Variants in SREK1IP1 observed in about 807,000 individuals in gnomAD.
The protein encoded by SREK1IP1 is SREK1 interacting protein 1.
In SREK1IP1, 12 loss-of-function variants were observed where a neutral mutation model predicts 22.8. That is an observed-to-expected ratio of 0.53 (90% CI 0.34 to 0.85). The LOEUF (loss-of-function observed/expected upper bound fraction) is 0.85, where lower values mean the gene tolerates loss of function less well. Among genes scored for constraint, SREK1IP1 ranks in the 40% least tolerant of loss-of-function variants. SREK1IP1 has a pLI of 0.02. For missense variants in SREK1IP1, 147 were observed against 171.8 expected (o/e 0.86, Z 0.81); for synonymous variants, 53 against 52.7 (o/e 1.01, Z -0.02).
At position 64,768,631 on chromosome 5, in the gene SREK1IP1, A is replaced by G. The variant is rs1743115219; in HGVS notation, c.-114T>C. 2.0e-6 allele frequency: 3 copies of G among 1,489,400 alleles called. No individual in the cohort carries two copies. The highest frequency in any genetic ancestry group is 2.3e-5 in the East Asian group (1 of 43,946). The allele number at this position is 1,489,400 out of a possible 1,614,324, so 92.3% of individuals were successfully genotyped here. ...GGCGTTTTCCTTCCCCCAGCGCAGC[A>G]GCACCCTCGCTACGGTCGGGAAGGG... On this transcript the variant is annotated 5_prime_UTR_variant, in exon 1 of 5. Transcript: ENST00000513458.
intron 3 of SREK1IP1, among the ~76,000 whole-genome samples, chr5:64,729,394 G>A (rs958452345): frequency 3.3e-5 from 5 of 152,184 alleles, no homozygotes; most frequent in Non-Finnish European, 5.9e-5. Flanking sequence ...AGTTTGGTGC[G>A]TTCTAGAAAC....
chr5:64,722,598 G>A lies in SREK1IP1; in HGVS notation c.*1786C>T, dbSNP rs1457338334. On this transcript the variant is annotated 3_prime_UTR_variant, in exon 5 of 5. Transcript: ENST00000513458. ...ACCGATTTTTAAAATCTTGATAATCGAAGAATATTTTCAAAAAACTAGCAG... is the reference window on the plus strand; with the variant it reads ...ACCGATTTTTAAAATCTTGATAATCAAAGAATATTTTCAAAAAACTAGCAG... The A allele has an allele frequency of 3.9e-5, 6 of 151,976 alleles. No homozygotes were observed. Among genetic ancestry groups the A allele is most frequent in the Admixed American group, 3.9e-4 (6 of 15,254 alleles). The allele number at this position is 151,976 out of a possible 1,614,324, so 9.4% of individuals were successfully genotyped here. A position where few individuals can be genotyped will look rare whatever the true frequency, so the allele number is the denominator to read the frequency against.
At chr5:64,736,260 G>T (rs1469647610) in intron 3 of SREK1IP1, among the ~76,000 whole-genome samples, 1 of 152,054 alleles carries the variant, frequency 6.6e-6, no homozygotes, top group Non-Finnish European at 1.5e-5. Context: ...TTACATAAAG[G>T]TTAAATAGGT....
Position 64,722,209 on chromosome 5 carries a change from G to A in SREK1IP1, c.*2175C>T, listed in dbSNP as rs1195375863. 1 of 152,032 alleles carries A rather than the reference G, an allele frequency of 6.6e-6. No individual in the cohort carries two copies. The highest frequency in any genetic ancestry group is 2.4e-5 in the African/African-American group (1 of 41,390). 9.4% of individuals were successfully genotyped at this position (152,032 alleles called of 1,614,324 possible). On this transcript the variant is annotated 3_prime_UTR_variant, in exon 5 of 5. Coordinates refer to ENST00000513458, the MANE Select transcript of SREK1IP1 (RefSeq NM_173829.4). ...ACTTAGAAATGCCAACATCATTTCTGGGGGGAAAATTACTGATCATTAAAA... is the reference window on the plus strand; with the variant it reads ...ACTTAGAAATGCCAACATCATTTCTAGGGGGAAAATTACTGATCATTAAAA...
intron 2 of SREK1IP1, among the ~76,000 whole-genome samples, chr5:64,745,793 C>T (rs1169404068): frequency 1.3e-5 from 2 of 151,832 alleles, no homozygotes; most frequent in African/African-American, 4.9e-5. Flanking sequence ...AAATTAATTG[C>T]AAAACTACAA....
intron 3 of SREK1IP1, among the ~76,000 whole-genome samples, chr5:64,740,671 TTG>T (rs1742537987): frequency 1.3e-5 from 2 of 152,158 alleles, no homozygotes. Context: ...ATCCAACATT[TTG>T]TGTTATCCCA....
chr5:64,741,243 G>T, intron 2 of SREK1IP1, 43 bp from the exon 3 acceptor site: 1 of 1,562,862 alleles, frequency 6.4e-7, no homozygotes, highest in South Asian at 1.2e-5. Flanking sequence ...TAAAACTATA[G>T]ATACATTATG....
At chr5:64,748,316 T>C (rs536118316) in intron 2 of SREK1IP1, among the ~76,000 whole-genome samples, 21 of 151,848 alleles carry the variant, frequency 1.4e-4, no homozygotes, top group Non-Finnish European at 2.5e-4. Flanking sequence ...GATAGGTTAA[T>C]AAGGGCTGGG....
chr5:64,749,252 A>G (rs1742701424), intron 2 of SREK1IP1, among the ~76,000 whole-genome samples: 1 of 152,006 alleles, frequency 6.6e-6, no homozygotes, highest in Non-Finnish European at 1.5e-5. Context: ...CTATGCTAAC[A>G]GCTACTAATT....
At chr5:64,741,248 A>T (rs375776593) in intron 2 of SREK1IP1, 48 bp from the exon 3 acceptor site, 12 of 1,554,322 alleles carry the variant, frequency 7.7e-6, no homozygotes, top group Admixed American at 7.6e-5. Flanking sequence ...CTATAGATAC[A>T]TTATGTATTT....
At chr5:64,766,685 T>C (rs911617208) in intron 1 of SREK1IP1, among the ~76,000 whole-genome samples, 2 of 152,218 alleles carry the variant, frequency 1.3e-5, no homozygotes, top group African/African-American at 2.4e-5. Flanking sequence ...TAAGTTATCC[T>C]ATACGATGGC....
intron 4 of SREK1IP1, chr5:64,727,732 G>A (rs916315978): frequency 1.1e-4 from 17 of 152,438 alleles, no homozygotes; most frequent in African/African-American, 4.1e-4. Context: ...ACTTTTTGCA[G>A]AGATGAGGTC....
At chr5:64,732,392 GA>G (rs1222090354) in intron 3 of SREK1IP1, among the ~76,000 whole-genome samples, 1 of 151,848 alleles carries the variant, frequency 6.6e-6, no homozygotes, top group Non-Finnish European at 1.5e-5. Context: ...TCAGCAAGAA[GA>G]AAAAATAAAC....
chr5:64,724,486 CT>C lies in SREK1IP1; in HGVS notation c.365del (p.Lys122ArgfsTer36), dbSNP rs768199051. The C allele has an allele frequency of 7.5e-6, 12 of 1,589,408 alleles. No homozygotes were observed. Among genetic ancestry groups the C allele is most frequent in the Non-Finnish European group, 1.0e-5 (12 of 1,172,782 alleles). ...GATGTTTCCCTTTTTTTGATTTACTCTTTTTTTCTTTTTTCTTTTCTTTCTT... is the reference window on the plus strand; with the variant it reads ...GATGTTTCCCTTTTTTTGATTTACTCTTTTTTCTTTTTTCTTTTCTTTCTT... ...YQKKEKKKEK[K>X]SKSKKGKHHK... On this transcript the variant is annotated frameshift_variant, in exon 5 of 5. Transcript: ENST00000513458. LOFTEE classifies it high-confidence loss of function.
chr5:64,767,441 T>A (rs2112123115), intron 1 of SREK1IP1, among the ~76,000 whole-genome samples: 1 of 152,276 alleles, frequency 6.6e-6, no homozygotes, highest in South Asian at 2.1e-4. Context: ...TGGCACACAG[T>A]AGGCTTAATA....
chr5:64,725,082 G>A (rs12697022), intron 4 of SREK1IP1, among the ~76,000 whole-genome samples: 49,009 of 151,996 alleles, frequency 0.32, 8,242 homozygotes, highest in East Asian at 0.51. Context: ...GATTTTTCAA[G>A]TACTTGATCC....
chr5:64,741,876 G>C (rs1424644428), intron 2 of SREK1IP1, among the ~76,000 whole-genome samples: 4 of 151,888 alleles, frequency 2.6e-5, no homozygotes, highest in Non-Finnish European at 4.4e-5. Context: ...ATTTTGTCAT[G>C]CTCACTTTCA....
intron 1 of SREK1IP1, among the ~76,000 whole-genome samples, chr5:64,761,999 C>T (rs1233304575): frequency 6.6e-6 from 1 of 152,208 alleles, no homozygotes; most frequent in Non-Finnish European, 1.5e-5. Context: ...GAGTCCTCAA[C>T]ACTTGCTTCA....
chr5:64,732,202 C>T (rs1742392616), intron 3 of SREK1IP1, among the ~76,000 whole-genome samples: 1 of 152,084 alleles, frequency 6.6e-6, no homozygotes, highest in Non-Finnish European at 1.5e-5. Context: ...TGATGAAATG[C>T]TGGGAGAGAT....
Sources: allele counts gnomAD v4.1 joint callset (sites outside exome capture counted in the v4.1 genomes callset), GRCh38; gene constraint gnomAD v4.1.1; transcripts MANE v1.5; gene names NCBI Gene and HGNC (gene_info 2026-07-23, HGNC 2026-07-21).